Variants in ZNF346 observed in about 807,000 individuals in gnomAD.
ZNF346 encodes the protein double-stranded RNA-binding zinc finger protein JAZ.
A neutral mutation model predicts 33.7 loss-of-function variants in ZNF346; 23 were observed. The observed-to-expected ratio is 0.68, with a 90% CI of 0.49 to 0.97. ZNF346 has a LOEUF of 0.97. Ranked by LOEUF, ZNF346 falls within the 50% of genes least tolerant of loss-of-function variation. The pLI, the probability that ZNF346 is intolerant of heterozygous loss-of-function variation, is 0.00. For synonymous variants in ZNF346, 134 were observed against 142.4 expected (o/e 0.94, Z 0.42); for missense variants, 340 against 371.1 (o/e 0.92, Z 0.69).
At chr5:177,056,879 C>T (rs1477246965) in intron 5 of ZNF346, among the ~76,000 whole-genome samples, 7 of 151,864 alleles carry the variant, frequency 4.6e-5, no homozygotes, top group Admixed American at 6.6e-5. Context: ...CAAACCTGCA[C>T]GTTGTGCACA....
chr5:177,036,926 A>G (rs1464322336), intron 1 of ZNF346, among the ~76,000 whole-genome samples: 1 of 151,356 alleles, frequency 6.6e-6, no homozygotes, highest in Non-Finnish European at 1.5e-5. Flanking sequence ...AGCCTGGGAA[A>G]CCCTGAGGTT....
chr5:177,040,819 A>G (rs1183017562), intron 1 of ZNF346, among the ~76,000 whole-genome samples: 1 of 152,242 alleles, frequency 6.6e-6, no homozygotes, highest in Admixed American at 6.5e-5. Context: ...GGAATGCTCC[A>G]AGCCTCATTT....
intron 1 of ZNF346, among the ~76,000 whole-genome samples, chr5:177,039,726 C>T (rs899629870): frequency 3.9e-5 from 6 of 152,182 alleles, no homozygotes. Context: ...CATCCTCCCA[C>T]CTCAGCCTCC....
At position 177,064,773 on chromosome 5, in the gene ZNF346, C is replaced by T. The variant is rs1782991378; in HGVS notation, c.*174C>T. On this transcript the variant is annotated 3_prime_UTR_variant, in exon 7 of 7. Coordinates refer to ENST00000358149, the MANE Select transcript of ZNF346 (RefSeq NM_012279.4). ...TCCGGGCTAATTCACTCCTGCTGCT[C>T]CCCTTTGGCAGGGGTCCTGTAGGTC... The T allele has an allele frequency of 4.9e-6, 3 of 611,310 alleles. No homozygotes were observed. Among genetic ancestry groups the T allele is most frequent in the Non-Finnish European group, 5.9e-6 (2 of 341,108 alleles). The allele number at this position is 611,310 out of a possible 1,614,324, so 37.9% of individuals were successfully genotyped here.
rs756559766 is a variant in ZNF346, at chr5:177,022,937, GAA to G, written c.175+26_175+27del. 49 of 1,452,068 alleles carry G rather than the reference GAA, an allele frequency of 3.4e-5. No individual in the cohort carries two copies. The East Asian group carries it at 4.3e-4, about 13-fold the overall frequency. The allele number at this position is 1,452,068 out of a possible 1,614,324, so 89.9% of individuals were successfully genotyped here. A position where few individuals can be genotyped will look rare whatever the true frequency, so the allele number is the denominator to read the frequency against. On this transcript the variant is annotated intron_variant, in intron 1 of 6. Coordinates refer to ENST00000358149, the MANE Select transcript of ZNF346 (RefSeq NM_012279.4). Reference sequence around the variant, plus strand: ...AGGTGAGTCGGGGGCTTTGGAGGCAGAAAGCCCCTCGCCCGCTGCGCGGCTCG... The same window carrying G: ...AGGTGAGTCGGGGGCTTTGGAGGCAGAGCCCCTCGCCCGCTGCGCGGCTCG...
intron 2 of ZNF346, 27 bp downstream of exon 2, chr5:177,041,256 G>A (rs767583745): frequency 1.1e-5 from 18 of 1,581,524 alleles, no homozygotes; most frequent in Middle Eastern, 1.7e-4. Context: ...TTAGAACTGC[G>A]TTTCTTTTCA....
chr5:177,054,188 T>C, intron 5 of ZNF346, among the ~76,000 whole-genome samples: 1 of 150,148 alleles, frequency 6.7e-6, no homozygotes. Context: ...TCCTCCCACC[T>C]CAGCCTCCCA....
At position 177,066,603 on chromosome 5, in the gene ZNF346, T is replaced by C. The variant is rs899181452; in HGVS notation, c.*2004T>C. ...AGTGTTATGGCCAGGTGCGGCGTCA[T>C]GCACCTATAGTCCCAGCTGCTCAGG... On this transcript the variant is annotated 3_prime_UTR_variant, in exon 7 of 7. Coordinates refer to ENST00000358149, the MANE Select transcript of ZNF346 (RefSeq NM_012279.4). Among the ~76,000 whole-genome samples, 4 of 151,998 alleles carry C rather than the reference T, an allele frequency of 2.6e-5. No homozygotes were observed. Among genetic ancestry groups the C allele is most frequent in the Non-Finnish European group, 5.9e-5 (4 of 67,998 alleles).
At chr5:177,056,102 G>A (rs977813001) in intron 5 of ZNF346, among the ~76,000 whole-genome samples, 8 of 148,948 alleles carry the variant, frequency 5.4e-5, no homozygotes, top group Non-Finnish European at 8.9e-5. Context: ...AAAGTTAGCC[G>A]GGCATGGTGG....
Position 177,028,040 on chromosome 5 carries a change from C to CTTTTTTTTTTTTTTTTT in ZNF346, c.175+5143_175+5159dup, listed in dbSNP as rs10682528. 6.0e-5 allele frequency among the ~76,000 whole-genome samples: 2 copies of CTTTTTTTTTTTTTTTTT among 33,502 alleles called. 1 individual carries two copies. The highest frequency in any genetic ancestry group is 1.0e-3 in the Admixed American group (2 of 1,930). 22.0% of individuals were successfully genotyped at this position (33,502 alleles called of 152,430 possible). ...GAATATTTTGTTTCTCCTTGTGTCA[C>CTTTTTTTTTTTTTTTTT]TTTTTTTTTTTTTTTTTTTTTTTTT... is the stretch of plus-strand genomic sequence containing the variant. On this transcript the variant is annotated intron_variant, in intron 1 of 6. Transcript: ENST00000358149.
intron 5 of ZNF346, among the ~76,000 whole-genome samples, chr5:177,055,316 G>A (rs10038517): frequency 0.093 from 14,103 of 151,986 alleles, 1,316 homozygotes; most frequent in African/African-American, 0.24. Context: ...TTACAGGTGC[G>A]AACCCACCAC....
At chr5:177,037,463 G>T (rs760907421) in intron 1 of ZNF346, among the ~76,000 whole-genome samples, 1 of 152,210 alleles carries the variant, frequency 6.6e-6, no homozygotes, top group East Asian at 1.9e-4. Context: ...ATAACGAAAA[G>T]TCTTTAATTT....
At chr5:177,024,557 C>G (rs1258121699) in intron 1 of ZNF346, among the ~76,000 whole-genome samples, 3 of 152,132 alleles carry the variant, frequency 2.0e-5, no homozygotes, top group African/African-American at 7.2e-5. Flanking sequence ...CTTTCATTAA[C>G]TTGACAAACA....
intron 5 of ZNF346, among the ~76,000 whole-genome samples, chr5:177,054,268 G>A (rs758858732): frequency 1.1e-4 from 17 of 151,942 alleles, no homozygotes; most frequent in Middle Eastern, 3.4e-3. Flanking sequence ...CTAGAGTCTC[G>A]CCACGTTGCC....
At chr5:177,047,144 GT>G (rs1780167354) in intron 4 of ZNF346, among the ~76,000 whole-genome samples, 1 of 151,816 alleles carries the variant, frequency 6.6e-6, no homozygotes, top group African/African-American at 2.4e-5. Flanking sequence ...CGCCTCCTGG[GT>G]TCAAGCGATT....
chr5:177,040,121 C>T (rs998143045), intron 1 of ZNF346, among the ~76,000 whole-genome samples: 4 of 148,960 alleles, frequency 2.7e-5, no homozygotes, highest in African/African-American at 1.0e-4. Context: ...GCGGAGCTTG[C>T]AGTGAGCCGA....
At chr5:177,064,306 T>C (rs1782920321) in intron 6 of ZNF346, among the ~76,000 whole-genome samples, 1 of 152,200 alleles carries the variant, frequency 6.6e-6, no homozygotes, top group South Asian at 2.1e-4. Flanking sequence ...AAAATGAGGG[T>C]GCTGTTTCTC....
intron 1 of ZNF346, among the ~76,000 whole-genome samples, chr5:177,037,281 C>T (rs779527050): frequency 2.0e-5 from 3 of 152,158 alleles, no homozygotes; most frequent in Non-Finnish European, 4.4e-5. Context: ...TTTCCTTCTT[C>T]ATCTACGCTA....
intron 4 of ZNF346, among the ~76,000 whole-genome samples, chr5:177,049,493 A>G (rs555821680): frequency 6.6e-6 from 1 of 152,230 alleles, no homozygotes; most frequent in Non-Finnish European, 1.5e-5. Flanking sequence ...AGCGCAGCCT[A>G]GAGTCAACAT....
Sources: gnomAD v4.1 joint callset for allele counts (sites outside exome capture counted in the v4.1 genomes callset) on GRCh38, gnomAD v4.1.1 for gene constraint, MANE v1.5 for transcripts, NCBI Gene and HGNC (gene_info 2026-07-23, HGNC 2026-07-21) for gene names.